ATXN7L1: variants seen among roughly 807,000 people sequenced by gnomAD.
The protein encoded by ATXN7L1 is ataxin-7-like protein 1.
A neutral mutation model predicts 70.8 loss-of-function variants in ATXN7L1; 15 were observed. The ratio of observed to expected loss-of-function variants is 0.21; its 90% confidence interval spans 0.14 to 0.33. The LOEUF is 0.33. ATXN7L1 is among the 10% of genes least tolerant of loss of function. ATXN7L1 has a pLI of 1.00. For synonymous variants in ATXN7L1, 440 were observed against 445.1 expected, an observed-to-expected ratio of 0.99 and a Z score of 0.14; for missense variants, 975 against 1,097.1, an observed-to-expected ratio of 0.89 and a Z score of 1.57.
chr7:105,731,778 GA>G (rs951479255), intron 3 of ATXN7L1, among the ~76,000 whole-genome samples: 2 of 146,744 alleles, frequency 1.4e-5, no homozygotes, highest in Non-Finnish European at 3.0e-5. Context: ...GAAAAGAAAA[GA>G]AAAGAAAAGA....
intron 10 of ATXN7L1, 91 bp downstream of exon 10, chr7:105,613,771 T>TA (rs1470535984): frequency 6.5e-7 from 1 of 1,543,724 alleles, no homozygotes; most frequent in Admixed American, 2.0e-5. Flanking sequence ...AAGCTTGTGT[T>TA]ACCTGTCGGA....
chr7:105,639,600 A>C lies in ATXN7L1; in HGVS notation c.863-31T>G, dbSNP rs1326948139. 2.0e-6 allele frequency: 3 copies of C among 1,467,276 alleles called. No individual in the cohort carries two copies. The Admixed American group carries it at 6.1e-5, about 30-fold the overall frequency. 90.9% of individuals were successfully genotyped at this position (1,467,276 alleles called of 1,614,324 possible). A position where few individuals can be genotyped will look rare whatever the true frequency, so the allele number is the denominator to read the frequency against. On this transcript the variant is annotated intron_variant, in intron 5 of 11. Transcript: ENST00000419735. ...TTAAGAAACAAACAAAAAATATAAG[A>C]AAAAAGGAGACTAAATAGGATTTGG...
chr7:105,657,126 T>C (rs1469240870), intron 4 of ATXN7L1, among the ~76,000 whole-genome samples: 1 of 152,150 alleles, frequency 6.6e-6, no homozygotes, highest in Non-Finnish European at 1.5e-5. Flanking sequence ...TAGGGGGCGA[T>C]ACAGAGTTCA....
At chr7:105,780,712 A>T (rs1206953199) in intron 3 of ATXN7L1, among the ~76,000 whole-genome samples, 2 of 151,200 alleles carry the variant, frequency 1.3e-5, no homozygotes, top group African/African-American at 2.4e-5. Flanking sequence ...TTTTGCCTTT[A>T]AAAAAAAATT....
At chr7:105,723,440 T>C (rs1795433240) in intron 3 of ATXN7L1, among the ~76,000 whole-genome samples, 1 of 152,190 alleles carries the variant, frequency 6.6e-6, no homozygotes, top group African/African-American at 2.4e-5. Context: ...GTTATTATTA[T>C]AAATAAAAAA....
intron 3 of ATXN7L1, among the ~76,000 whole-genome samples, chr7:105,741,027 G>A (rs533179638): frequency 3.3e-5 from 5 of 152,234 alleles, no homozygotes; most frequent in Admixed American, 2.6e-4. Context: ...GCCTCCCAAA[G>A]TGCTGGGATT....
At chr7:105,611,978 C>A (rs975883760) in intron 10 of ATXN7L1, among the ~76,000 whole-genome samples, 1 of 152,180 alleles carries the variant, frequency 6.6e-6, no homozygotes, top group South Asian at 2.1e-4. Context: ...CCAAGGCAGC[C>A]GTTAAATGCA....
At position 105,671,724 on chromosome 7, in the gene ATXN7L1, T is replaced by C. The variant is rs376639499; in HGVS notation, c.356-6436A>G. Among the ~76,000 whole-genome samples the C allele has an allele frequency of 1.6e-4, 25 of 151,750 alleles. No homozygotes were observed. In the East Asian group the frequency reaches 3.1e-3, roughly 19 times the overall value. ...CTAGCTGGGTAACATGGTGAAACCCTGCTTCTACAAAAAATTAAAAACAAT... is the reference window on the plus strand; with the variant it reads ...CTAGCTGGGTAACATGGTGAAACCCCGCTTCTACAAAAAATTAAAAACAAT... On this transcript the variant is annotated intron_variant, in intron 3 of 11. Transcript: ENST00000419735.
At chr7:105,780,628 C>G (rs992904959) in intron 3 of ATXN7L1, among the ~76,000 whole-genome samples, 1 of 151,774 alleles carries the variant, frequency 6.6e-6, no homozygotes, top group Non-Finnish European at 1.5e-5. Context: ...GCCGTATGGC[C>G]TTCTGCTGAG....
chr7:105,648,002 A>C (rs1490386921), intron 4 of ATXN7L1, among the ~76,000 whole-genome samples: 1 of 152,248 alleles, frequency 6.6e-6, no homozygotes, highest in Non-Finnish European at 1.5e-5. Flanking sequence ...CAGGAAAGAC[A>C]GCCTCACGTG....
At chr7:105,688,202 C>A (rs550733445) in intron 3 of ATXN7L1, among the ~76,000 whole-genome samples, 5 of 152,270 alleles carry the variant, frequency 3.3e-5, no homozygotes, top group Admixed American at 3.3e-4. Flanking sequence ...GCCCAGCCTG[C>A]ATACCCTACC....
chr7:105,766,537 G>T (rs994210353), intron 3 of ATXN7L1, among the ~76,000 whole-genome samples: 1 of 152,172 alleles, frequency 6.6e-6, no homozygotes, highest in Non-Finnish European at 1.5e-5. Flanking sequence ...ACCTATCAAT[G>T]ACACAGAAGC....
At chr7:105,784,011 G>T (rs1016078210) in intron 3 of ATXN7L1, among the ~76,000 whole-genome samples, 3 of 152,250 alleles carry the variant, frequency 2.0e-5, no homozygotes, top group African/African-American at 4.8e-5. Context: ...ACCCAGGGTG[G>T]AGTGCAGTGG....
Position 105,852,978 on chromosome 7 carries a change from T to C in ATXN7L1, c.250+22834A>G, listed in dbSNP as rs1439366320. On this transcript the variant is annotated intron_variant, in intron 2 of 11. Coordinates refer to ENST00000419735, the MANE Select transcript of ATXN7L1 (RefSeq NM_020725.2). ...AAGGACACACACTGCATGAATCCCC[T>C]TATATGAGGGGAATAGATGATTAGA... Among the ~76,000 whole-genome samples the C allele has an allele frequency of 3.3e-5, 5 of 152,010 alleles. No individual in the cohort carries two copies. In the East Asian group the frequency reaches 7.7e-4, roughly 23 times the overall value.
At chr7:105,700,349 T>C (rs972473155) in intron 3 of ATXN7L1, among the ~76,000 whole-genome samples, 1 of 151,418 alleles carries the variant, frequency 6.6e-6, no homozygotes, top group Non-Finnish European at 1.5e-5. Context: ...CTACTAAAAA[T>C]ACAAAAAATT....
At chr7:105,759,475 TGTGTGTGTG>T (rs1800261279) in intron 3 of ATXN7L1, among the ~76,000 whole-genome samples, 1 of 117,372 alleles carries the variant, frequency 8.5e-6, no homozygotes, top group African/African-American at 4.4e-5. Flanking sequence ...TGTGTGTGTG[TGTGTGTGTG>T]TGTGTGTATG....
chr7:105,792,200 C>A (rs576501421), intron 2 of ATXN7L1, among the ~76,000 whole-genome samples: 1 of 152,332 alleles, frequency 6.6e-6, no homozygotes, highest in East Asian at 1.9e-4. Context: ...CCCCTCCAGG[C>A]CTTTCCCGTT....
chr7:105,759,020 G>GT (rs1800168175), intron 3 of ATXN7L1, among the ~76,000 whole-genome samples: 2 of 151,954 alleles, frequency 1.3e-5, no homozygotes, highest in African/African-American at 2.4e-5. Flanking sequence ...CCATTTTAAA[G>GT]TTTTCTTGCA....
At chr7:105,720,612 A>G (rs763633484) in intron 3 of ATXN7L1, among the ~76,000 whole-genome samples, 3 of 152,016 alleles carry the variant, frequency 2.0e-5, no homozygotes, top group Admixed American at 6.5e-5. Context: ...TGTAGAGATG[A>G]GATCTCATTA....
Sources: allele counts gnomAD v4.1 joint callset (sites outside exome capture counted in the v4.1 genomes callset), GRCh38; gene constraint gnomAD v4.1.1; transcripts MANE v1.5; gene names NCBI Gene and HGNC (gene_info 2026-07-23, HGNC 2026-07-21).